The following UBASH3B variants were observed in gnomAD, a reference collection of about 807,000 sequenced individuals.
UBASH3B encodes ubiquitin associated and SH3 domain containing B.
Under a neutral mutation model 83.4 loss-of-function variants are expected in UBASH3B, and 37 were observed. The observed-to-expected ratio is 0.44, with a 90% confidence interval of 0.34 to 0.58. The LOEUF (loss-of-function observed/expected upper bound fraction) is 0.58. Ranked by LOEUF, UBASH3B falls within the 20% of genes least tolerant of loss-of-function variation. The pLI is 0.01. For missense variants in UBASH3B, 657 were observed against 827.2 expected (o/e 0.79, Z 2.52); for synonymous variants, 304 against 318.3 (o/e 0.96, Z 0.48).
chr11:122,655,975 C>T lies in UBASH3B; in HGVS notation c.-75C>T. 1 of 1,357,962 alleles carries T rather than the reference C, an allele frequency of 7.4e-7. No homozygotes were observed. The highest frequency in any genetic ancestry group is 3.1e-5 in the East Asian group (1 of 32,664). The allele number at this position is 1,357,962 out of a possible 1,614,324, so 84.1% of individuals were successfully genotyped here. ...TGGGTCCCCGAGCCCCCTCCCCTGG[C>T]CCAGCCCGACTCCCTCCTCCTTCCC... On this transcript the variant is annotated 5_prime_UTR_variant, in exon 1 of 14. Coordinates refer to ENST00000284273, the MANE Select transcript of UBASH3B (RefSeq NM_032873.5).
rs186691620 is a variant in UBASH3B at position 122,748,455 on chromosome 11, G to A, written c.162-27764G>A. 7.1e-3 allele frequency among the ~76,000 whole-genome samples: 1,082 copies of A among 152,256 alleles called. 15 individuals are homozygous for A. The highest frequency in any genetic ancestry group is 0.034 in the Middle Eastern group (10 of 294). On this transcript the variant is annotated intron_variant, in intron 1 of 13. Transcript: ENST00000284273. ...CGCCATCCCAGCTCCCTGTGCACTC[G>A]GAGAATTCTCTTCCTTACTTGCTTT...
At chr11:122,747,337 A>G (rs1861134369) in intron 1 of UBASH3B, among the ~76,000 whole-genome samples, 1 of 152,194 alleles carries the variant, frequency 6.6e-6, no homozygotes, top group South Asian at 2.1e-4. Context: ...TAGACCCAGA[A>G]CCAGTGGAGT....
Position 122,759,241 on chromosome 11 carries a change from G to T in UBASH3B, c.162-16978G>T, listed in dbSNP as rs1180933792. On this transcript the variant is annotated intron_variant, in intron 1 of 13. Coordinates refer to ENST00000284273, the MANE Select transcript of UBASH3B (RefSeq NM_032873.5). The surrounding 1 kb of genome is among the most constrained non-coding windows in gnomAD (Gnocchi z 4.1). ...GCCACTCTCAGGTCCTAACGAGGCT[G>T]CCTGCAGTTCCTTGCCACGTGGCTG... Among the ~76,000 whole-genome samples, 2 of 152,206 alleles carry T rather than the reference G, an allele frequency of 1.3e-5. No individual in the cohort carries two copies. Among genetic ancestry groups the T allele is most frequent in the Non-Finnish European group, 2.9e-5 (2 of 68,038 alleles).
chr11:122,731,450 A>AT (rs968829784), intron 1 of UBASH3B, among the ~76,000 whole-genome samples: 7 of 152,216 alleles, frequency 4.6e-5, no homozygotes, highest in Non-Finnish European at 7.3e-5. Flanking sequence ...TTTTGGGGCC[A>AT]TTATAAAGTA....
At chr11:122,673,420 G>A (rs1429909382) in intron 1 of UBASH3B, among the ~76,000 whole-genome samples, 2 of 152,072 alleles carry the variant, frequency 1.3e-5, no homozygotes, top group Admixed American at 6.6e-5. Flanking sequence ...AGGCTGAGGC[G>A]GGCAGATCAC....
intron 1 of UBASH3B, among the ~76,000 whole-genome samples, chr11:122,677,062 A>C (rs1431867032): frequency 6.6e-6 from 1 of 152,236 alleles, no homozygotes; most frequent in East Asian, 1.9e-4. Context: ...CCAATTGCAA[A>C]TCAAAAATAT....
intron 1 of UBASH3B, among the ~76,000 whole-genome samples, chr11:122,659,135 G>A (rs1863401064): frequency 6.6e-6 from 1 of 152,002 alleles, no homozygotes; most frequent in South Asian, 2.1e-4. Context: ...TGTACTTAGG[G>A]CCCACTTGGA....
Position 122,776,288 on chromosome 11 carries a change from A to C in UBASH3B, c.215+16A>C. On this transcript the variant is annotated intron_variant, in intron 2 of 13. Coordinates refer to ENST00000284273, the MANE Select transcript of UBASH3B (RefSeq NM_032873.5). ...CATGTGACTGGTTGGTATGAGATAA[A>C]TAAATTGAGAAAATAGCATATAATT... 1 of 1,597,536 alleles carries C rather than the reference A, an allele frequency of 6.3e-7. No homozygotes were observed. Among genetic ancestry groups the C allele is most frequent in the Non-Finnish European group, 8.5e-7 (1 of 1,173,274 alleles).
chr11:122,788,472 G>A (rs750566344), intron 5 of UBASH3B, among the ~76,000 whole-genome samples: 4 of 152,140 alleles, frequency 2.6e-5, no homozygotes, highest in Non-Finnish European at 5.9e-5. Flanking sequence ...GGGAGGCTGA[G>A]GCAAGAGAAT....
At chr11:122,732,472 A>T (rs1354697110) in intron 1 of UBASH3B, among the ~76,000 whole-genome samples, 1 of 152,242 alleles carries the variant, frequency 6.6e-6, no homozygotes, top group Admixed American at 6.5e-5. Context: ...ACTCTTGCCC[A>T]GGCCCTGCAC....
At chr11:122,688,731 G>A (rs1328735944) in intron 1 of UBASH3B, among the ~76,000 whole-genome samples, 24 of 151,236 alleles carry the variant, frequency 1.6e-4, no homozygotes, top group Admixed American at 1.4e-3. Context: ...TGCAAGCTCC[G>A]CCTCCCGGGT....
chr11:122,724,592 G>C (rs906915844), intron 1 of UBASH3B, among the ~76,000 whole-genome samples: 2 of 138,684 alleles, frequency 1.4e-5, no homozygotes, highest in Non-Finnish European at 3.3e-5. Flanking sequence ...GTGTGCCATG[G>C]ATGGGCTGGG....
chr11:122,752,594 T>C (rs563651995), intron 1 of UBASH3B, among the ~76,000 whole-genome samples: 7 of 152,362 alleles, frequency 4.6e-5, no homozygotes, highest in African/African-American at 1.7e-4. Flanking sequence ...GAGTTTGGTC[T>C]TGATCTTACG....
chr11:122,661,173 T>A (rs923764415), intron 1 of UBASH3B, among the ~76,000 whole-genome samples: 3 of 152,216 alleles, frequency 2.0e-5, no homozygotes, highest in Non-Finnish European at 2.9e-5. Context: ...TGTCCTTTTT[T>A]TTCTACTGAG....
chr11:122,737,441 G>C (rs987390479), intron 1 of UBASH3B, among the ~76,000 whole-genome samples: 6 of 152,164 alleles, frequency 3.9e-5, no homozygotes, highest in Admixed American at 1.3e-4. Context: ...GTGAGAGAAA[G>C]AGAGAAGTCA....
At chr11:122,663,459 C>T (rs1863473602) in intron 1 of UBASH3B, among the ~76,000 whole-genome samples, 1 of 152,238 alleles carries the variant, frequency 6.6e-6, no homozygotes, top group Non-Finnish European at 1.5e-5. Flanking sequence ...TATCCTGTGG[C>T]TTTGATCACC....
At chr11:122,782,146 T>G (rs952318520) in intron 4 of UBASH3B, among the ~76,000 whole-genome samples, 2 of 151,470 alleles carry the variant, frequency 1.3e-5, no homozygotes, top group African/African-American at 4.9e-5. Context: ...GAAGCTGAGG[T>G]GGGAGCATCA....
chr11:122,716,279 C>T (rs1860524113), intron 1 of UBASH3B, among the ~76,000 whole-genome samples: 2 of 152,226 alleles, frequency 1.3e-5, no homozygotes, highest in Non-Finnish European at 2.9e-5. Flanking sequence ...CTCATGTGGT[C>T]CTTCTGCCTC....
At chr11:122,779,742 A>T in intron 4 of UBASH3B, 47 bp downstream of exon 4, 1 of 1,608,928 alleles carries the variant, frequency 6.2e-7, no homozygotes, top group East Asian at 2.2e-5. Context: ...TCAATCAAAG[A>T]GTTGGAAAGG....
Sources: allele counts gnomAD v4.1 joint callset (sites outside exome capture counted in the v4.1 genomes callset), GRCh38; gene constraint gnomAD v4.1.1; non-coding constraint Gnocchi (gnomAD v3.1); transcripts MANE v1.5; gene names NCBI Gene and HGNC (gene_info 2026-07-23, HGNC 2026-07-21).